The following PHF14 variants were observed in gnomAD, a reference collection of about 807,000 sequenced individuals.
The protein encoded by PHF14 is PHD finger protein 14.
PHF14 carries 55 observed loss-of-function variants against 117.9 expected under a neutral mutation model. The observed-to-expected ratio is 0.47, with a 90% CI of 0.38 to 0.58. PHF14 has a LOEUF of 0.58. Among genes scored for constraint, PHF14 ranks in the 20% least tolerant of loss-of-function variants. The pLI, the probability that PHF14 is intolerant of heterozygous loss-of-function variation, is 0.00. For missense variants in PHF14, 978 were observed against 1,122.2 expected, an observed-to-expected ratio of 0.87 and a Z score of 1.84; for synonymous variants, 409 against 368.6, an observed-to-expected ratio of 1.11 and a Z score of -1.26.
In PHF14 at chr7:11,130,999, T is replaced by G. The variant is rs1355091201; in HGVS notation, c.2772+19532T>G. 6.6e-6 allele frequency among the ~76,000 whole-genome samples: 1 copy of G among 152,018 alleles called. No homozygotes were observed. Among genetic ancestry groups the G allele is most frequent in the East Asian group, 1.9e-4 (1 of 5,202 alleles). On this transcript the variant is annotated intron_variant, in intron 17 of 17. Coordinates refer to ENST00000634607, the MANE Select transcript of PHF14 (RefSeq NM_001007157.2). This position sits in a 1 kb window ranked among gnomAD's most constrained non-coding sequence, Gnocchi z 4.2. ...TCTTTTCATGACTTGAGAGCTTTTT[T>G]TTTTAATCACTGAGTAATGTTCTAT... is the stretch of plus-strand genomic sequence containing the variant.
intron 16 of PHF14, among the ~76,000 whole-genome samples, chr7:11,089,650 GTAT>G (rs1786562497): frequency 6.6e-6 from 1 of 151,916 alleles, no homozygotes; most frequent in South Asian, 2.1e-4. Context: ...TTTGAGCAAA[GTAT>G]TATGAGTAGA....
At chr7:11,091,683 G>T (rs1833011) in intron 16 of PHF14, among the ~76,000 whole-genome samples, 1 of 151,838 alleles carries the variant, frequency 6.6e-6, no homozygotes, top group East Asian at 1.9e-4. Context: ...ACCTGAACCC[G>T]GGAGGCAGAG....
intron 14 of PHF14, among the ~76,000 whole-genome samples, chr7:11,056,090 A>G (rs542959876): frequency 2.0e-5 from 3 of 152,146 alleles, no homozygotes; most frequent in Non-Finnish European, 4.4e-5. Flanking sequence ...ATAGATTCTT[A>G]GAAGAAACCC....
At chr7:11,159,320 A>G (rs1442653522) in intron 17 of PHF14, among the ~76,000 whole-genome samples, 1 of 152,084 alleles carries the variant, frequency 6.6e-6, no homozygotes, top group Non-Finnish European at 1.5e-5. Flanking sequence ...CAGAATGTGC[A>G]GGTTTGTTAC....
At chr7:11,161,672 AT>A (rs1789030543) in intron 17 of PHF14, among the ~76,000 whole-genome samples, 1 of 129,196 alleles carries the variant, frequency 7.7e-6, no homozygotes, top group South Asian at 2.2e-4. Flanking sequence ...AAAACTCTAA[AT>A]AAAAATATTA....
rs138136375 is a variant in PHF14 at position 11,123,302 on chromosome 7, A to G, written c.2772+11835A>G. 6.4e-3 allele frequency among the ~76,000 whole-genome samples: 970 copies of G among 152,294 alleles called. 6 individuals carry two copies. Among genetic ancestry groups the G allele is most frequent in the Non-Finnish European group, 0.01 (711 of 68,032 alleles). ...GTCTAGTGATTAAGACAATATAGCA[A>G]TAAATTTACATATATGGTTTAATTG... On this transcript the variant is annotated intron_variant, in intron 17 of 17. Coordinates refer to ENST00000634607, the MANE Select transcript of PHF14 (RefSeq NM_001007157.2).
At chr7:11,060,209 G>T (rs568027111) in intron 14 of PHF14, among the ~76,000 whole-genome samples, 1 of 152,106 alleles carries the variant, frequency 6.6e-6, no homozygotes, top group Non-Finnish European at 1.5e-5. Flanking sequence ...GTATTATATA[G>T]TATCATCATT....
chr7:11,034,150 A>G (rs1784227667), intron 7 of PHF14, among the ~76,000 whole-genome samples: 1 of 151,938 alleles, frequency 6.6e-6, no homozygotes, highest in African/African-American at 2.4e-5. Context: ...TTAAGGACAC[A>G]TTAGATTTTT....
rs190531050 is a variant in PHF14 at position 11,144,971 on chromosome 7, G to T, written c.2773-24445G>T. ...AGGAGAGAATGAGGTATTTTGTGTG[G>T]TATAAACGGGAACAGAGTTTTAGTT... On this transcript the variant is annotated intron_variant, in intron 17 of 17. Coordinates refer to ENST00000634607, the MANE Select transcript of PHF14 (RefSeq NM_001007157.2). Among the ~76,000 whole-genome samples, 125 of 152,038 alleles carry T rather than the reference G, an allele frequency of 8.2e-4. 1 individual carries two copies. Among genetic ancestry groups the T allele is most frequent in the African/African-American group, 2.9e-3 (122 of 41,496 alleles).
rs553653524 is a variant in PHF14 at position 11,055,324 on chromosome 7, T to C, written c.2481+3544T>C. On this transcript the variant is annotated intron_variant, in intron 14 of 17. Transcript: ENST00000634607. ...ACTTGAAAGCTTTCAGATTTTCTTT[T>C]TGCTTTCTTTGCACTCTAAGTCATG... 1.2e-3 allele frequency among the ~76,000 whole-genome samples: 177 copies of C among 152,312 alleles called. 1 individual carries two copies. Among genetic ancestry groups the C allele is most frequent in the African/African-American group, 4.0e-3 (165 of 41,560 alleles).
At chr7:11,132,973 A>G (rs147332130) in intron 17 of PHF14, among the ~76,000 whole-genome samples, 137 of 152,046 alleles carry the variant, frequency 9.0e-4, no homozygotes, top group African/African-American at 3.1e-3. Flanking sequence ...CAGAAAACCC[A>G]TGAAATTCTT....
chr7:11,101,951 T>C (rs1355464994), intron 16 of PHF14, among the ~76,000 whole-genome samples: 1 of 151,814 alleles, frequency 6.6e-6, no homozygotes, highest in Non-Finnish European at 1.5e-5. Flanking sequence ...ATAGTCTTTT[T>C]AAAAGAAAGT....
intron 7 of PHF14, among the ~76,000 whole-genome samples, chr7:11,033,460 AGGGCATGGTCT>A (rs199526779): frequency 0.011 from 1,637 of 152,218 alleles, 11 homozygotes; most frequent in Non-Finnish European, 0.016. Flanking sequence ...CTTCCTTTCA[AGGGCATGGTCT>A]GGGCATTTCA....
intron 17 of PHF14, among the ~76,000 whole-genome samples, chr7:11,155,505 A>T (rs1446583577): frequency 6.6e-6 from 1 of 152,014 alleles, no homozygotes; most frequent in East Asian, 1.9e-4. Context: ...TGTTCCCTTT[A>T]CTTAGAATAT....
chr7:11,167,709 T>A (rs1789240628), intron 17 of PHF14, among the ~76,000 whole-genome samples: 1 of 152,150 alleles, frequency 6.6e-6, no homozygotes, highest in African/African-American at 2.4e-5. Context: ...AGAGTAAGAT[T>A]TACTTTTTAT....
chr7:11,089,214 A>G (rs930805179), intron 16 of PHF14, among the ~76,000 whole-genome samples: 2 of 152,184 alleles, frequency 1.3e-5, no homozygotes, highest in African/African-American at 2.4e-5. Flanking sequence ...ATAAACATCA[A>G]ATCTCTTCCT....
In PHF14 at chr7:11,162,979, A is replaced by T. The variant is rs138703875; in HGVS notation, c.2773-6437A>T. ...TGATTGCTCAAGAAAAGAAATAGTT[A>T]TTTATGTATTCCCATACATGAAATT... On this transcript the variant is annotated intron_variant, in intron 17 of 17. Transcript: ENST00000634607. 4.0e-3 allele frequency among the ~76,000 whole-genome samples: 606 copies of T among 152,274 alleles called. 3 individuals carry two copies. Among genetic ancestry groups the T allele is most frequent in the African/African-American group, 0.014 (577 of 41,578 alleles).
intron 16 of PHF14, among the ~76,000 whole-genome samples, chr7:11,100,474 T>C (rs923194149): frequency 6.6e-6 from 1 of 151,964 alleles, no homozygotes; most frequent in Non-Finnish European, 1.5e-5. Flanking sequence ...CAGTGTGAAA[T>C]AGAAATTATT....
chr7:11,065,289 ATT>A (rs1360193096), intron 16 of PHF14, among the ~76,000 whole-genome samples: 1 of 152,084 alleles, frequency 6.6e-6, no homozygotes, highest in Non-Finnish European at 1.5e-5. Context: ...AGTTGAAACT[ATT>A]TCATGGAATT....
Sources: allele counts gnomAD v4.1 joint callset (sites outside exome capture counted in the v4.1 genomes callset), GRCh38; gene constraint gnomAD v4.1.1; non-coding constraint Gnocchi (gnomAD v3.1); transcripts MANE v1.5; gene names NCBI Gene and HGNC (gene_info 2026-07-23, HGNC 2026-07-21).